Variants in EPM2A observed in about 807,000 individuals in gnomAD.
EPM2A encodes the protein EPM2A glucan phosphatase, laforin, also known as laforin.
Under a neutral mutation model 26.5 loss-of-function variants are expected in EPM2A, and 21 were observed. The ratio of observed to expected loss-of-function variants is 0.79; its 90% CI spans 0.56 to 1.14. The LOEUF is 1.14. EPM2A is among the 50% of genes most tolerant of loss of function. The pLI is 0.00. For synonymous variants in EPM2A, 217 were observed against 177.6 expected (o/e 1.22, Z -1.76); for missense variants, 458 against 440.8 (o/e 1.04, Z -0.35).
intron 2 of EPM2A, among the ~76,000 whole-genome samples, chr6:145,600,399 G>A (rs1342371024): frequency 6.6e-6 from 1 of 152,126 alleles, no homozygotes; most frequent in African/African-American, 2.4e-5. Context: ...TCATCTCCCA[G>A]TCTGTCCTTC....
At chr6:145,712,353 G>T (rs780151407) in intron 1 of EPM2A, among the ~76,000 whole-genome samples, 8 of 152,022 alleles carry the variant, frequency 5.3e-5, no homozygotes, top group Non-Finnish European at 1.2e-4. Flanking sequence ...CCATTCAATG[G>T]GTGCCAAAAC....
intron 4 of EPM2A, among the ~76,000 whole-genome samples, chr6:145,437,062 C>G (rs1265939697): frequency 3.9e-5 from 6 of 152,048 alleles, no homozygotes; most frequent in Admixed American, 3.9e-4. Context: ...TATGTCCCCA[C>G]CCAAATTTCA....
downstream of EPM2A, among the ~76,000 whole-genome samples, chr6:145,497,156 G>A (rs1411056129): frequency 1.3e-5 from 2 of 152,148 alleles, no homozygotes; most frequent in Non-Finnish European, 2.9e-5. Flanking sequence ...TTGAGTTTTT[G>A]CATTCTTGAT....
intron 2 of EPM2A, among the ~76,000 whole-genome samples, chr6:145,650,406 G>C (rs1777799849): frequency 6.6e-6 from 1 of 152,048 alleles, no homozygotes; most frequent in Non-Finnish European, 1.5e-5. Flanking sequence ...ACAAAAATTA[G>C]CTGGGTGTGG....
chr6:145,538,258 C>A (rs1483657007), intron 2 of EPM2A, among the ~76,000 whole-genome samples: 1 of 151,726 alleles, frequency 6.6e-6, no homozygotes. Flanking sequence ...ACAGAAGAGG[C>A]CTTTTTTTTT....
intron 3 of EPM2A, chr6:145,628,710 T>C (rs538212749): frequency 6.6e-6 from 1 of 152,350 alleles, no homozygotes; most frequent in South Asian, 2.1e-4. Flanking sequence ...ACAAGAGTTC[T>C]TTGTGGCTTT....
intron 2 of EPM2A, among the ~76,000 whole-genome samples, chr6:145,526,902 T>A (rs1780281780): frequency 6.6e-6 from 1 of 152,040 alleles, no homozygotes. Flanking sequence ...TTTCTATTGC[T>A]TTTTGATGCA....
At chr6:145,712,476 A>G (rs1393890820) in intron 1 of EPM2A, among the ~76,000 whole-genome samples, 5 of 152,120 alleles carry the variant, frequency 3.3e-5, no homozygotes, top group Non-Finnish European at 7.4e-5. Flanking sequence ...GAGCTGAAAC[A>G]TGACTTTACC....
chr6:145,465,886 GA>G (rs1204564712), intron 4 of EPM2A, among the ~76,000 whole-genome samples: 1 of 152,038 alleles, frequency 6.6e-6, no homozygotes, highest in Non-Finnish European at 1.5e-5. Context: ...AAGCAATGGG[GA>G]AAGGATTCCC....
At chr6:145,609,752 T>G (rs78776102) in intron 2 of EPM2A, among the ~76,000 whole-genome samples, 13 of 152,234 alleles carry the variant, frequency 8.5e-5, no homozygotes, top group Non-Finnish European at 1.5e-5. Context: ...TTCAATTTTC[T>G]CTTTGAGTGT....
intron 2 of EPM2A, among the ~76,000 whole-genome samples, chr6:145,557,613 G>C (rs1242883537): frequency 6.6e-6 from 1 of 151,920 alleles, no homozygotes; most frequent in Non-Finnish European, 1.5e-5. Context: ...TTTTTAAATT[G>C]ACACATAGAA....
intron 2 of EPM2A, among the ~76,000 whole-genome samples, chr6:145,667,872 G>C (rs944845908): frequency 6.6e-6 from 1 of 150,926 alleles, no homozygotes; most frequent in Non-Finnish European, 1.5e-5. Context: ...TAGGGACGTG[G>C]ATGAAATTGG....
chr6:145,543,608 T>C (rs1222756305), intron 2 of EPM2A, among the ~76,000 whole-genome samples: 1 of 152,174 alleles, frequency 6.6e-6, no homozygotes, highest in Non-Finnish European at 1.5e-5. Flanking sequence ...AAAAAAAGTA[T>C]TTGTTTTATA....
intron 4 of EPM2A, among the ~76,000 whole-genome samples, chr6:145,397,502 C>G (rs1232073019): frequency 6.6e-6 from 1 of 152,060 alleles, no homozygotes. Context: ...GCCTTTAGAA[C>G]AAGAAATGTT....
At chr6:145,723,620 A>C (rs1290076612) in intron 1 of EPM2A, among the ~76,000 whole-genome samples, 1 of 152,188 alleles carries the variant, frequency 6.6e-6, no homozygotes, top group African/African-American at 2.4e-5. Context: ...GGCAAAATTC[A>C]TAAAATAATT....
intron 1 of EPM2A, among the ~76,000 whole-genome samples, chr6:145,714,112 G>A (rs942821661): frequency 1.7e-4 from 26 of 152,150 alleles, no homozygotes; most frequent in Non-Finnish European, 1.9e-4. Context: ...AATGAGCACA[G>A]AGTTTCATTT....
At chr6:145,718,574 C>G (rs1273477203) in intron 1 of EPM2A, among the ~76,000 whole-genome samples, 2 of 152,142 alleles carry the variant, frequency 1.3e-5, no homozygotes, top group African/African-American at 4.8e-5. Flanking sequence ...GACTTCATCT[C>G]TAAAACACCA....
chr6:145,610,234 GGA>G (rs943822281), intron 2 of EPM2A, among the ~76,000 whole-genome samples: 9 of 151,536 alleles, frequency 5.9e-5, no homozygotes, highest in African/African-American at 1.9e-4. Flanking sequence ...AAAAAAATTT[GGA>G]GAGAGTTTTC....
chr6:145,403,861 A>G (rs928698285), intron 4 of EPM2A, among the ~76,000 whole-genome samples: 5 of 152,146 alleles, frequency 3.3e-5, no homozygotes, highest in Non-Finnish European at 7.4e-5. Flanking sequence ...TAGTGGTTGT[A>G]CTAATTTACA....
Sources: allele counts gnomAD v4.1 joint callset (sites outside exome capture counted in the v4.1 genomes callset), GRCh38; gene constraint gnomAD v4.1.1; transcripts MANE v1.5; gene names NCBI Gene and HGNC (gene_info 2026-07-23, HGNC 2026-07-21).